Variants in EMG1 observed in about 807,000 individuals in gnomAD.
The protein encoded by EMG1 is ribosomal RNA small subunit methyltransferase NEP1.
EMG1 carries 24 observed loss-of-function variants against 26.9 expected under a neutral mutation model. The observed-to-expected ratio is 0.89, with a 90% confidence interval of 0.65 to 1.26. The LOEUF (loss-of-function observed/expected upper bound fraction) is 1.26. EMG1 is among the 50% of genes most tolerant of loss of function. EMG1 has a pLI of 0.00. For missense variants in EMG1, 299 were observed against 307.6 expected (o/e 0.97, Z 0.21); for synonymous variants, 140 against 112.6 (o/e 1.24, Z -1.54).
downstream of EMG1, chr12:6,981,581 G>A (rs17790962): frequency 8.8e-3 from 14,214 of 1,613,682 alleles, 919 homozygotes; most frequent in East Asian, 0.14. Flanking sequence ...CTCTGCCGAT[G>A]AATGGGTACT....
rs782718258 is a variant in EMG1, at chr12:6,977,208, T to C, written c.*1399T>C. 1.1e-5 allele frequency: 17 copies of C among 1,613,932 alleles called. No homozygotes were observed. The highest frequency in any genetic ancestry group is 1.4e-5 in the Non-Finnish European group (16 of 1,179,898). On this transcript the variant is annotated 3_prime_UTR_variant, in exon 6 of 6. Transcript: ENST00000599672. The surrounding 1 kb of genome is among the most constrained non-coding windows in gnomAD (Gnocchi z 4.5). The stretch of plus-strand genomic sequence containing the variant: ...ATTGCTTTGTGAATATAAGGCAATA[T>C]GAATAGTAGGCTCAGGAAGAAGATG...
In EMG1 at chr12:6,979,500, C is replaced by T; in HGVS notation, c.*3691C>T. The T allele has an allele frequency of 6.2e-7, 1 of 1,613,904 alleles. No individual in the cohort carries two copies. On this transcript the variant is annotated 3_prime_UTR_variant, in exon 6 of 6. Transcript: ENST00000599672. ...TAGTCTTCAGTGAGGAGATAGTCTT[C>T]TGTGATGTGGGGGCTGAGCAGTGTG...
Position 6,979,884 on chromosome 12 carries a change from C to A in EMG1, c.*4075C>A. 1 of 326,540 alleles carries A rather than the reference C, an allele frequency of 3.1e-6. No individual in the cohort carries two copies. The highest frequency in any genetic ancestry group is 5.6e-6 in the Non-Finnish European group (1 of 177,716). 20.2% of individuals were successfully genotyped at this position (326,540 alleles called of 1,614,324 possible). On this transcript the variant is annotated 3_prime_UTR_variant, in exon 6 of 6. Coordinates refer to ENST00000599672, the MANE Select transcript of EMG1 (RefSeq NM_006331.8). ...AGGTCTTGCCAGGTCTCACAATCTCCATTGGGACTGAAAACCCAGTGGAGG... is the reference window on the plus strand; with the variant it reads ...AGGTCTTGCCAGGTCTCACAATCTCAATTGGGACTGAAAACCCAGTGGAGG...
chr12:6,985,059 T>C (rs952536513), intron 6 of EMG1, among the ~76,000 whole-genome samples: 25 of 149,460 alleles, frequency 1.7e-4, no homozygotes, highest in African/African-American at 5.4e-4. Flanking sequence ...TGTTGGTTTC[T>C]GTCCTTCTAG....
rs374587541 is a variant in EMG1 at position 6,978,314 on chromosome 12, G to A, written c.*2505G>A. 1 of 1,588,460 alleles carries A rather than the reference G, an allele frequency of 6.3e-7. No individual in the cohort carries two copies. Among genetic ancestry groups the A allele is most frequent in the Non-Finnish European group, 8.6e-7 (1 of 1,166,454 alleles). On this transcript the variant is annotated 3_prime_UTR_variant, in exon 6 of 6. Coordinates refer to ENST00000599672, the MANE Select transcript of EMG1 (RefSeq NM_006331.8). Reference sequence around the variant, plus strand: ...GAAGACAGTGGAAGGAAGGAACCAGGGTCCAGGCTCCCCACCAGCAGCTCA... The same window carrying A: ...GAAGACAGTGGAAGGAAGGAACCAGAGTCCAGGCTCCCCACCAGCAGCTCA...
chr12:6,975,732 A>G lies in EMG1; in HGVS notation c.658A>G (p.Ser220Gly). Residue 220 changes from serine to glycine, a missense_variant, in exon 6 of 6, where the codon AGT (serine) becomes GGT (glycine). Transcript: ENST00000599672. ...VEYTEKMVSI[S>G]NYPLSAALTC... is the part of the protein sequence containing the mutation. ...GTATACAGAGAAGATGGTGTCCATC[A>G]GTAACTACCCCCTTTCTGCTGCCCT... is the stretch of plus-strand genomic sequence containing the variant. 1 of 1,613,488 alleles carries G rather than the reference A, an allele frequency of 6.2e-7. No homozygotes were observed. The highest frequency in any genetic ancestry group is 8.5e-7 in the Non-Finnish European group (1 of 1,179,368).
At chr12:6,992,827 A>C (rs1488259013), downstream of EMG1, among the ~76,000 whole-genome samples, 1 of 152,222 alleles carries the variant, frequency 6.6e-6, no homozygotes, top group Non-Finnish European at 1.5e-5. Context: ...CAGACACCAC[A>C]GATGCTCAAG....
chr12:6,980,243 A>G (rs1341026936), downstream of EMG1, among the ~76,000 whole-genome samples: 6 of 151,684 alleles, frequency 4.0e-5, no homozygotes, highest in Non-Finnish European at 5.9e-5. Context: ...GGGTCTCACT[A>G]TGTTGCCCAG....
downstream of EMG1, among the ~76,000 whole-genome samples, chr12:6,990,388 A>G (rs1555155340): frequency 6.7e-6 from 1 of 150,116 alleles, no homozygotes; most frequent in Non-Finnish European, 1.5e-5. Context: ...GGGCACCTGT[A>G]GCCCCAGCTA....
In EMG1 at chr12:6,978,314, G is replaced by C. The variant is rs374587541; in HGVS notation, c.*2505G>C. On this transcript the variant is annotated 3_prime_UTR_variant, in exon 6 of 6. Coordinates refer to ENST00000599672, the MANE Select transcript of EMG1 (RefSeq NM_006331.8). ...GAAGACAGTGGAAGGAAGGAACCAG[G>C]GTCCAGGCTCCCCACCAGCAGCTCA... The C allele has an allele frequency of 1.3e-6, 2 of 1,588,578 alleles. No individual in the cohort carries two copies. The highest frequency in any genetic ancestry group is 8.6e-7 in the Non-Finnish European group (1 of 1,166,446).
At chr12:6,982,556 A>G (rs1255934738), downstream of EMG1, 1 of 697,762 alleles carries the variant, frequency 1.4e-6, no homozygotes, top group Non-Finnish European at 2.5e-6. Context: ...CATACTGCTA[A>G]GTGCTGGGAG....
At chr12:6,990,285 G>A (rs1377431213), downstream of EMG1, among the ~76,000 whole-genome samples, 9 of 151,478 alleles carry the variant, frequency 5.9e-5, no homozygotes, top group South Asian at 2.1e-4. Flanking sequence ...TGAGGCGGGC[G>A]GATCACGAGG....
Position 6,979,359 on chromosome 12 carries a change from A to AT in EMG1, c.*3550_*3551insT. 1 of 787,512 alleles carries AT rather than the reference A, an allele frequency of 1.3e-6. No individual in the cohort carries two copies. Among genetic ancestry groups the AT allele is most frequent in the Non-Finnish European group, 2.1e-6 (1 of 474,050 alleles). 48.8% of individuals were successfully genotyped at this position (787,512 alleles called of 1,614,324 possible). A position where few individuals can be genotyped will look rare whatever the true frequency, so the allele number is the denominator to read the frequency against. Reference sequence around the variant, plus strand: ...AACTCACAGATCTAGAGCAAAACCAACATGCACTTGTAGATGATATTTCCT... The same window carrying AT: ...AACTCACAGATCTAGAGCAAAACCAATCATGCACTTGTAGATGATATTTCCT... On this transcript the variant is annotated 3_prime_UTR_variant, in exon 6 of 6. Coordinates refer to ENST00000599672, the MANE Select transcript of EMG1 (RefSeq NM_006331.8).
At position 6,978,241 on chromosome 12, in the gene EMG1, G is replaced by T; in HGVS notation, c.*2432G>T. 1 of 1,394,620 alleles carries T rather than the reference G, an allele frequency of 7.2e-7. No homozygotes were observed. 86.4% of individuals were successfully genotyped at this position (1,394,620 alleles called of 1,614,324 possible). On this transcript the variant is annotated 3_prime_UTR_variant, in exon 6 of 6. Coordinates refer to ENST00000599672, the MANE Select transcript of EMG1 (RefSeq NM_006331.8). Reference sequence around the variant, plus strand: ...AGCGACAGGGGGTTCTGCCCAGATGGGAAAGACGCATAGGGGTGACATGGT... The same window carrying T: ...AGCGACAGGGGGTTCTGCCCAGATGTGAAAGACGCATAGGGGTGACATGGT...
At chr12:6,982,537 A>T (rs1946480898), downstream of EMG1, 1 of 642,912 alleles carries the variant, frequency 1.6e-6, no homozygotes, top group African/African-American at 1.8e-5. Flanking sequence ...TAAGCCACCT[A>T]CCTGAAGTCA....
Position 6,975,798 on chromosome 12 carries a change from G to A in EMG1, c.724G>A (p.Gly242Arg). The change falls in exon 6 of 6, where the codon GGG becomes AGG. Residue 242 changes from glycine (G) to arginine (R), a missense_variant. Physicochemically the swap from Gly to Arg is moderately radical, Grantham distance 125. Transcript: ENST00000599672. The stretch of plus-strand genomic sequence containing the variant: ...TACCACAGCCTTTGAGGAAGTATGG[G>A]GGGTCATTTGACAGTAGTAGAACCT... ...KLTTAFEEVWGVI is the reference protein window; with the variant it reads ...KLTTAFEEVWRVI 1 of 1,601,986 alleles carries A rather than the reference G, an allele frequency of 6.2e-7. No individual in the cohort carries two copies. Among genetic ancestry groups the A allele is most frequent in the Non-Finnish European group, 8.6e-7 (1 of 1,169,012 alleles).
At chr12:6,974,271 C>A in intron 1 of EMG1, 68 bp from the exon 2 acceptor site, 2 of 1,214,384 alleles carry the variant, frequency 1.6e-6, no homozygotes, top group Non-Finnish European at 2.4e-6. Flanking sequence ...GGGGACCACA[C>A]TTGAAGAACC....
chr12:6,977,561 C>G lies in EMG1; in HGVS notation c.*1752C>G, dbSNP rs1555153448. The stretch of plus-strand genomic sequence containing the variant: ...AGGAGGAGCTCATCAGCATCTTGTC[C>G]CTTATATTCCCCTTCACCCCCACCC... On this transcript the variant is annotated 3_prime_UTR_variant, in exon 6 of 6. Coordinates refer to ENST00000599672, the MANE Select transcript of EMG1 (RefSeq NM_006331.8). This position sits in a 1 kb window ranked among gnomAD's most constrained non-coding sequence, Gnocchi z 4.5. 6.2e-7 allele frequency: 1 copy of G among 1,614,084 alleles called. No homozygotes were observed.
chr12:6,974,489 G>C (rs1299460104), intron 2 of EMG1, 49 bp downstream of exon 2: 4 of 1,608,284 alleles, frequency 2.5e-6, no homozygotes, highest in Admixed American at 1.7e-5. Flanking sequence ...TGTATGGAAG[G>C]GTTGGCAGCT....
Sources: gnomAD v4.1 joint callset for allele counts (sites outside exome capture counted in the v4.1 genomes callset) on GRCh38, gnomAD v4.1.1 for gene constraint, Gnocchi (gnomAD v3.1) non-coding constraint, MANE v1.5 for transcripts, NCBI Gene and HGNC (gene_info 2026-07-23, HGNC 2026-07-21) for gene names.